The following PCBP3 variants were observed in gnomAD, a reference collection of about 807,000 sequenced individuals.
PCBP3 encodes the protein poly(rC)-binding protein 3.
In PCBP3, 25 loss-of-function variants were observed where a neutral mutation model predicts 52.7. The observed-to-expected ratio is 0.47, with a 90% CI of 0.35 to 0.66. The LOEUF (loss-of-function observed/expected upper bound fraction) is 0.66. PCBP3 is among the 30% of genes least tolerant of loss of function. The pLI is 0.01. For missense variants in PCBP3, 391 were observed against 490.3 expected (o/e 0.80, Z 1.91); for synonymous variants, 162 against 183.0 (o/e 0.89, Z 0.93).
At chr21:45,855,259 G>T (rs183897326) in intron 5 of PCBP3, among the ~76,000 whole-genome samples, 154 of 152,320 alleles carry the variant, frequency 1.0e-3, no homozygotes, top group African/African-American at 3.3e-3. Flanking sequence ...GGAGGGAAAA[G>T]AGGAATCCTG....
chr21:45,767,813 G>A (rs534108316), intron 4 of PCBP3, among the ~76,000 whole-genome samples: 1 of 152,370 alleles, frequency 6.6e-6, no homozygotes, highest in East Asian at 1.9e-4. Flanking sequence ...GGCCCCTGCA[G>A]GTGGTGCCCT....
At chr21:45,659,053 T>C (rs957963114) in intron 1 of PCBP3, among the ~76,000 whole-genome samples, 2 of 151,868 alleles carry the variant, frequency 1.3e-5, no homozygotes, top group African/African-American at 4.8e-5. Context: ...TTGGTCATTC[T>C]AGATAAAAGT....
chr21:45,908,687 C>A (rs916926331), intron 9 of PCBP3, among the ~76,000 whole-genome samples: 2 of 152,186 alleles, frequency 1.3e-5, no homozygotes, highest in East Asian at 3.9e-4. Context: ...CAGCGAGCTC[C>A]GGGCCACAGC....
chr21:45,683,200 A>G (rs966531789), intron 2 of PCBP3, among the ~76,000 whole-genome samples: 5 of 152,216 alleles, frequency 3.3e-5, no homozygotes, highest in African/African-American at 1.2e-4. Flanking sequence ...TGATCACTGG[A>G]TTTAGCAAAG....
At chr21:45,794,525 G>A (rs2091814511) in intron 4 of PCBP3, among the ~76,000 whole-genome samples, 1 of 152,192 alleles carries the variant, frequency 6.6e-6, no homozygotes, top group Non-Finnish European at 1.5e-5. Context: ...TCACCAAAAG[G>A]TGGAGTAGAA....
chr21:45,727,494 C>T lies in PCBP3; in HGVS notation c.-199-7898C>T, dbSNP rs60088128. On this transcript the variant is annotated intron_variant, in intron 2 of 17. Coordinates refer to ENST00000681687, the MANE Select transcript of PCBP3 (RefSeq NM_001384156.1). ...CCAGGCAGGGCCACATGGGAAGCAC[C>T]GGGTAGGTCAAGAGGCAGAGAGAGC... Among the ~76,000 whole-genome samples, 425 of 152,254 alleles carry T rather than the reference C, an allele frequency of 2.8e-3. 5 individuals carry two copies. Among genetic ancestry groups the T allele is most frequent in the African/African-American group, 1.0e-2 (414 of 41,540 alleles).
chr21:45,909,527 AGGCG>A, intron 10 of PCBP3, 41 bp downstream of exon 10: 1 of 1,599,896 alleles, frequency 6.3e-7, no homozygotes, highest in African/African-American at 1.3e-5. Context: ...CGGAGCCTCT[AGGCG>A]GGCTGCGGGT....
At chr21:45,738,144 G>T (rs569538439) in intron 3 of PCBP3, among the ~76,000 whole-genome samples, 1 of 152,186 alleles carries the variant, frequency 6.6e-6, no homozygotes, top group Admixed American at 6.5e-5. Flanking sequence ...CTGTTTTTCA[G>T]CTACAGCAAG....
chr21:45,814,385 G>C (rs1225132368), intron 4 of PCBP3, among the ~76,000 whole-genome samples: 1 of 150,998 alleles, frequency 6.6e-6, no homozygotes, highest in Admixed American at 6.6e-5. Flanking sequence ...GTGGGTGAGT[G>C]GTGAGTGATG....
At chr21:45,733,537 C>T (rs1017645271) in intron 2 of PCBP3, among the ~76,000 whole-genome samples, 1 of 151,814 alleles carries the variant, frequency 6.6e-6, no homozygotes. Context: ...ATGATCTGCC[C>T]GCCTCGGCCT....
At chr21:45,758,689 T>C (rs2088312951) in intron 4 of PCBP3, among the ~76,000 whole-genome samples, 1 of 152,184 alleles carries the variant, frequency 6.6e-6, no homozygotes, top group African/African-American at 2.4e-5. Context: ...GTTTTGTAGC[T>C]CTAATTATTT....
intron 1 of PCBP3, among the ~76,000 whole-genome samples, chr21:45,644,914 T>A (rs188557844): frequency 3.9e-5 from 6 of 152,352 alleles, no homozygotes; most frequent in Middle Eastern, 3.4e-3. Context: ...TTCTTTGGAC[T>A]TTCTCAGATG....
At chr21:45,900,170 A>G (rs2095991421) in intron 7 of PCBP3, among the ~76,000 whole-genome samples, 1 of 151,888 alleles carries the variant, frequency 6.6e-6, no homozygotes, top group Admixed American at 6.5e-5. Flanking sequence ...CTAGTAGCTC[A>G]TTGTCCCGGC....
intron 5 of PCBP3, among the ~76,000 whole-genome samples, chr21:45,868,771 C>T (rs1203016862): frequency 3.3e-5 from 5 of 152,178 alleles, no homozygotes; most frequent in Non-Finnish European, 5.9e-5. Context: ...GGCGTTAGGA[C>T]GGGGTGGCCG....
At chr21:45,742,144 G>A (rs554194754) in intron 3 of PCBP3, among the ~76,000 whole-genome samples, 8 of 152,090 alleles carry the variant, frequency 5.3e-5, no homozygotes, top group Non-Finnish European at 1.2e-4. Flanking sequence ...TCCATAATAC[G>A]AGGTAAACAC....
chr21:45,909,938 A>ACCCCACTTCCCAGATACGG (rs1259136833), intron 10 of PCBP3, among the ~76,000 whole-genome samples: 2 of 8,598 alleles, frequency 2.3e-4, no homozygotes, highest in African/African-American at 4.6e-4. Flanking sequence ...GGACCCCCCC[A>ACCCCACTTCCCAGATACGG]ACCCACTTCC....
intron 4 of PCBP3, among the ~76,000 whole-genome samples, chr21:45,776,886 C>T (rs531921768): frequency 2.0e-5 from 3 of 152,172 alleles, no homozygotes; most frequent in South Asian, 2.1e-4. Flanking sequence ...TTGTTTCTGT[C>T]GTATGGTTGT....
At chr21:45,782,889 G>C (rs937899792) in intron 4 of PCBP3, among the ~76,000 whole-genome samples, 1 of 152,240 alleles carries the variant, frequency 6.6e-6, no homozygotes, top group Non-Finnish European at 1.5e-5. Context: ...TTCTCTGTGA[G>C]GCATGTCGCT....
At chr21:45,852,242 T>C (rs2094042051) in intron 5 of PCBP3, among the ~76,000 whole-genome samples, 1 of 152,192 alleles carries the variant, frequency 6.6e-6, no homozygotes, top group Non-Finnish European at 1.5e-5. Flanking sequence ...CAATTATAAA[T>C]AAAGCTTAAA....
Sources: allele counts gnomAD v4.1 joint callset (sites outside exome capture counted in the v4.1 genomes callset), GRCh38; gene constraint gnomAD v4.1.1; transcripts MANE v1.5; gene names NCBI Gene and HGNC (gene_info 2026-07-23, HGNC 2026-07-21).